The following ADGRG7 variants were observed in gnomAD, a reference collection of about 807,000 sequenced individuals.
ADGRG7 encodes the protein G-protein coupled receptor 128.
ADGRG7 carries 82 observed loss-of-function variants against 88.6 expected under a neutral mutation model. That is an observed-to-expected ratio of 0.93 (90% CI 0.77 to 1.11). The LOEUF is 1.11. ADGRG7 is among the 50% of genes most tolerant of loss of function. ADGRG7 has a pLI of 0.00. For missense variants in ADGRG7, 945 were observed against 953.4 expected (o/e 0.99, Z 0.12); for synonymous variants, 381 against 345.2 (o/e 1.10, Z -1.15).
chr3:100,676,229 G>A (rs1026739925), intron 15 of ADGRG7, among the ~76,000 whole-genome samples: 2 of 151,554 alleles, frequency 1.3e-5, no homozygotes, highest in Admixed American at 6.6e-5. Flanking sequence ...TTTGATGTGG[G>A]CACTTATTGC....
rs1306366416 is a variant in ADGRG7 at position 100,665,969 on chromosome 3, TTTA to T, written c.1980-2974_1980-2972del. Among the ~76,000 whole-genome samples the T allele has an allele frequency of 2.0e-5, 3 of 152,208 alleles. No homozygotes were observed. In the East Asian group the frequency reaches 5.8e-4, roughly 29 times the overall value. On this transcript the variant is annotated intron_variant, in intron 14 of 15. Transcript: ENST00000273352. ...ACTTAATGGTGAAAAATGACAAATG[TTTA>T]TTATTTGCCATGAGTTGAGTGTTGG... is the stretch of plus-strand genomic sequence containing the variant.
intron 15 of ADGRG7, among the ~76,000 whole-genome samples, chr3:100,690,985 G>T (rs1249249437): frequency 1.3e-5 from 2 of 152,220 alleles, no homozygotes; most frequent in East Asian, 3.9e-4. Context: ...AGGCAGGCAG[G>T]CCTCCTTGAG....
intron 1 of ADGRG7, among the ~76,000 whole-genome samples, chr3:100,613,529 C>T (rs1161403829): frequency 1.8e-5 from 2 of 113,072 alleles, no homozygotes; most frequent in Non-Finnish European, 4.1e-5. Context: ...ACATAACCAC[C>T]CCCTAAATTA....
chr3:100,643,708 G>A, intron 8 of ADGRG7, 75 bp downstream of exon 8: 11 of 963,766 alleles, frequency 1.1e-5, no homozygotes, highest in Non-Finnish European at 1.8e-5. Flanking sequence ...ATTTACTCTA[G>A]GAGAAATAAT....
At chr3:100,631,376 CT>C (rs1272950497) in intron 3 of ADGRG7, among the ~76,000 whole-genome samples, 2 of 152,142 alleles carry the variant, frequency 1.3e-5, no homozygotes, top group Non-Finnish European at 2.9e-5. Context: ...AATATGGTCC[CT>C]GATAATATCC....
intron 1 of ADGRG7, among the ~76,000 whole-genome samples, chr3:100,628,843 G>A (rs1319911188): frequency 2.0e-5 from 3 of 152,038 alleles, no homozygotes; most frequent in Admixed American, 6.6e-5. Flanking sequence ...CATTTAACTG[G>A]TTTTCCTTCC....
intron 14 of ADGRG7, among the ~76,000 whole-genome samples, chr3:100,664,738 A>T (rs1265311496): frequency 6.6e-6 from 1 of 152,194 alleles, no homozygotes; most frequent in East Asian, 1.9e-4. Context: ...ATATATCCAC[A>T]TTCCAGTGGT....
At chr3:100,694,696 A>G in intron 15 of ADGRG7, 48 bp from the exon 16 acceptor site, 2 of 1,560,922 alleles carry the variant, frequency 1.3e-6, no homozygotes, top group African/African-American at 1.4e-5. Context: ...CTTCCTTGAT[A>G]CTGTATCTCA....
intron 15 of ADGRG7, among the ~76,000 whole-genome samples, chr3:100,689,508 G>A (rs1245020424): frequency 6.6e-6 from 1 of 152,192 alleles, no homozygotes; most frequent in Non-Finnish European, 1.5e-5. Context: ...TGCAGTGGCT[G>A]GTACCGGTTA....
At chr3:100,692,054 G>T (rs1021885336) in intron 15 of ADGRG7, among the ~76,000 whole-genome samples, 1 of 152,200 alleles carries the variant, frequency 6.6e-6, no homozygotes, top group African/African-American at 2.4e-5. Context: ...TGTCATGTTG[G>T]CTGTTTCTGG....
intron 1 of ADGRG7, among the ~76,000 whole-genome samples, chr3:100,610,879 G>A (rs1707137534): frequency 6.6e-6 from 1 of 152,200 alleles, no homozygotes; most frequent in African/African-American, 2.4e-5. Context: ...AGGTTGGGGA[G>A]CTAGCAGGAG....
intron 15 of ADGRG7, among the ~76,000 whole-genome samples, chr3:100,676,719 C>T (rs896981860): frequency 3.3e-5 from 5 of 151,756 alleles, no homozygotes; most frequent in Admixed American, 2.6e-4. Flanking sequence ...TAGCTATTGT[C>T]GTATTAGGGT....
chr3:100,637,463 A>C, intron 6 of ADGRG7, 61 bp downstream of exon 6: 2 of 1,091,492 alleles, frequency 1.8e-6, no homozygotes, highest in Non-Finnish European at 2.8e-6. Context: ...TTCCTAGGCT[A>C]AAGTATTAAC....
intron 14 of ADGRG7, among the ~76,000 whole-genome samples, chr3:100,666,219 C>G (rs1213588402): frequency 1.3e-5 from 2 of 152,142 alleles, no homozygotes; most frequent in Admixed American, 6.5e-5. Flanking sequence ...GAACAAGACA[C>G]AGAGACAAAG....
chr3:100,638,141 T>C (rs1384025140), intron 6 of ADGRG7, among the ~76,000 whole-genome samples: 1 of 152,232 alleles, frequency 6.6e-6, no homozygotes, highest in Non-Finnish European at 1.5e-5. Context: ...ATGGGGTGGC[T>C]GCCCTCCACC....
chr3:100,622,021 G>T (rs749724063), intron 1 of ADGRG7, among the ~76,000 whole-genome samples: 1 of 152,172 alleles, frequency 6.6e-6, no homozygotes, highest in African/African-American at 2.4e-5. Flanking sequence ...CATAGTTCAT[G>T]TTACGGTTTG....
chr3:100,623,796 C>A (rs535607027), intron 1 of ADGRG7, among the ~76,000 whole-genome samples: 1 of 151,968 alleles, frequency 6.6e-6, no homozygotes, highest in Non-Finnish European at 1.5e-5. Flanking sequence ...TGAGAACATG[C>A]GGTGTTTGGT....
Position 100,632,223 on chromosome 3 carries a change from G to T in ADGRG7, c.335-1042G>T. Among the ~76,000 whole-genome samples the T allele has an allele frequency of 4.0e-5, 6 of 151,830 alleles. 1 individual carries two copies. In the South Asian group the frequency reaches 1.2e-3, roughly 32 times the overall value. On this transcript the variant is annotated intron_variant, in intron 3 of 15. Transcript: ENST00000273352. ...TTGTTTAATATATATTAATTCTTTG[G>T]GACAAGAGACTCAACATTTTTTATT... is the stretch of plus-strand genomic sequence containing the variant.
intron 1 of ADGRG7, among the ~76,000 whole-genome samples, chr3:100,619,363 A>G (rs1178582922): frequency 2.6e-5 from 4 of 152,198 alleles, no homozygotes; most frequent in Admixed American, 6.5e-5. Flanking sequence ...AACCAACAAG[A>G]ACAAAGACAC....
Sources: gnomAD v4.1 joint callset for allele counts (sites outside exome capture counted in the v4.1 genomes callset) on GRCh38, gnomAD v4.1.1 for gene constraint, MANE v1.5 for transcripts, NCBI Gene and HGNC (gene_info 2026-07-23, HGNC 2026-07-21) for gene names.